Variants in NLRP1 observed in about 807,000 individuals in gnomAD.
NLRP1 encodes the protein NLR family pyrin domain containing 1.
A neutral mutation model predicts 136.7 loss-of-function variants in NLRP1; 94 were observed. The observed-to-expected ratio is 0.69, with a 90% confidence interval of 0.58 to 0.82. The LOEUF is 0.82. Among genes scored for constraint, NLRP1 ranks in the 40% least tolerant of loss-of-function variants. The pLI is 0.00. For missense variants in NLRP1, 1,575 were observed against 1,802.7 expected, an observed-to-expected ratio of 0.87 and a Z score of 2.29; for synonymous variants, 690 against 725.1, an observed-to-expected ratio of 0.95 and a Z score of 0.78.
rs145827448 is a variant in NLRP1 at position 5,583,814 on chromosome 17, C to T, written c.144G>A (p.Thr48=). The change falls in exon 1 of 17, where the codon ACG becomes ACA. Residue 48 remains threonine (T), a synonymous_variant. Coordinates refer to ENST00000572272, the MANE Select transcript of NLRP1 (RefSeq NM_033004.4). The surrounding 1 kb of genome is among the most constrained non-coding windows in gnomAD (Gnocchi z 4.5). The part of the protein sequence containing the change: ...SGETPAQPEK[T]SGMEVASYLV... Reference sequence around the variant, plus strand: ...GGTACGAGGCCACCTCCATGCCACTCGTCTTCTCTGGCTGAGCGGGTGTCT... The same window carrying T: ...GGTACGAGGCCACCTCCATGCCACTTGTCTTCTCTGGCTGAGCGGGTGTCT... 407 of 1,561,154 alleles carry T rather than the reference C, an allele frequency of 2.6e-4. No homozygotes were observed. The African/African-American group carries it at 4.6e-3, about 17-fold the overall frequency.
At position 5,583,857 on chromosome 17, in the gene NLRP1, G is replaced by C; in HGVS notation, c.101C>G (p.Ser34Cys). The change falls in exon 1 of 17, where the codon TCC becomes TGC. Residue 34 changes from serine to cysteine, a missense_variant. Physicochemically the swap from Ser to Cys is moderately radical, Grantham distance 112. Coordinates refer to ENST00000572272, the MANE Select transcript of NLRP1 (RefSeq NM_033004.4). The surrounding 1 kb of genome is among the most constrained non-coding windows in gnomAD (Gnocchi z 4.5). ...GGGTGTCTCACCCGAAGAGCTCCTG[G>C]AGTGCGCTTTATTGGCGAGCAGAAG... ...FQLLLANKAHSRSSSGETPAQ... is the reference protein window; with the variant it reads ...FQLLLANKAHCRSSSGETPAQ... The C allele has an allele frequency of 6.3e-7, 1 of 1,578,404 alleles. No homozygotes were observed. The highest frequency in any genetic ancestry group is 1.2e-5 in the South Asian group (1 of 86,756).
At chr17:5,538,775 G>C (rs1417256026) in intron 7 of NLRP1, among the ~76,000 whole-genome samples, 2 of 152,178 alleles carry the variant, frequency 1.3e-5, no homozygotes, top group Non-Finnish European at 2.9e-5. Flanking sequence ...CCTGGAGTGA[G>C]GGGAACCTGA....
In NLRP1 at chr17:5,583,253, G is replaced by A. The variant is rs1162543256; in HGVS notation, c.272-407C>T. On this transcript the variant is annotated intron_variant, in intron 1 of 16. Coordinates refer to ENST00000572272, the MANE Select transcript of NLRP1 (RefSeq NM_033004.4). This position sits in a 1 kb window ranked among gnomAD's most constrained non-coding sequence, Gnocchi z 4.5. ...GAGCACTTACTGTATATCAGACTCT[G>A]TGCTAAATGTTTAACCTGGATGATC... 6.6e-6 allele frequency among the ~76,000 whole-genome samples: 1 copy of A among 152,152 alleles called. No homozygotes were observed. Among genetic ancestry groups the A allele is most frequent in the Admixed American group, 6.5e-5 (1 of 15,280 alleles).
chr17:5,540,535 A>G (rs960351377), intron 6 of NLRP1, among the ~76,000 whole-genome samples: 1 of 152,140 alleles, frequency 6.6e-6, no homozygotes, highest in Admixed American at 6.5e-5. Flanking sequence ...AAGAGAGGGA[A>G]CAGGGAGAAT....
At position 5,558,637 on chromosome 17, in the gene NLRP1, C is replaced by T. The variant is rs1393307277; in HGVS notation, c.2059G>A (p.Glu687Lys). 6.2e-7 allele frequency: 1 copy of T among 1,613,696 alleles called. No individual in the cohort carries two copies. Among genetic ancestry groups the T allele is most frequent in the Admixed American group, 1.7e-5 (1 of 60,020 alleles). The change falls in exon 4 of 17, where the codon GAG (glutamate) becomes AAG (lysine). Residue 687 changes from glutamate (E) to lysine (K), a missense_variant. Coordinates refer to ENST00000572272, the MANE Select transcript of NLRP1 (RefSeq NM_033004.4). ...LLSDEGEREM[E>K]NIFHCRLSQG... ...GACAGCCGGCAGTGAAAGATGTTCT[C>T]CATCTCTCTCTCCCCCTCATCACTT...
intron 15 of NLRP1, among the ~76,000 whole-genome samples, chr17:5,507,532 T>C (rs1477791818): frequency 6.6e-6 from 1 of 152,106 alleles, no homozygotes; most frequent in Admixed American, 6.5e-5. Context: ...CTGCCTCTAC[T>C]AAAACTACAA....
At position 5,504,069 on chromosome 17, in the gene NLRP1, C is replaced by G. The variant is rs1253967041; in HGVS notation, c.4070-2197G>C. 2 of 152,962 alleles carry G rather than the reference C, an allele frequency of 1.3e-5. No homozygotes were observed. Among genetic ancestry groups the G allele is most frequent in the African/African-American group, 4.8e-5 (2 of 41,402 alleles). 9.5% of individuals were successfully genotyped at this position (152,962 alleles called of 1,614,324 possible). ...GAGTCTGCCAGGCCAAAGCCTGGAT[C>G]TGGACAATGGCCAGTTGATCATGTT... On this transcript the variant is annotated intron_variant, in intron 15 of 15. Coordinates refer to the NLRP1 transcript ENST00000262467. This position sits in a 1 kb window ranked among gnomAD's most constrained non-coding sequence, Gnocchi z 4.4.
Position 5,583,945 on chromosome 17 carries a change from C to A in NLRP1, c.13G>T (p.Ala5Ser), listed in dbSNP as rs1357536300. Residue 5 changes from alanine to serine, a missense_variant, in exon 1 of 17, where the codon GCC becomes TCC. Physicochemically the swap from Ala to Ser is moderately conservative, Grantham distance 99. Coordinates refer to ENST00000572272, the MANE Select transcript of NLRP1 (RefSeq NM_033004.4). The surrounding 1 kb of genome is among the most constrained non-coding windows in gnomAD (Gnocchi z 4.5). MAGG[A>S]WGRLACYLEF... ...AAGTAACAGGCCAGGCGGCCCCAGG[C>A]TCCGCCAGCCATCTCTGTCCCGGAG... The A allele has an allele frequency of 6.2e-7, 1 of 1,609,098 alleles. No homozygotes were observed. The highest frequency in any genetic ancestry group is 1.3e-5 in the African/African-American group (1 of 74,984).
intron 3 of NLRP1, among the ~76,000 whole-genome samples, chr17:5,579,885 GAAC>G (rs1322881733): frequency 6.6e-6 from 1 of 152,100 alleles, no homozygotes; most frequent in Non-Finnish European, 1.5e-5. Context: ...CACATAAAAG[GAAC>G]AATAGACACT....
chr17:5,580,099 G>A (rs532119945), intron 3 of NLRP1, among the ~76,000 whole-genome samples: 4 of 152,186 alleles, frequency 2.6e-5, no homozygotes, highest in South Asian at 4.1e-4. Flanking sequence ...GCAGGGCTTC[G>A]TGGCGGGCAC....
intron 3 of NLRP1, among the ~76,000 whole-genome samples, chr17:5,581,414 A>G (rs1597490380): frequency 6.6e-6 from 1 of 152,320 alleles, no homozygotes; most frequent in Middle Eastern, 3.4e-3. Context: ...GAGTGGTTGT[A>G]AAATTTAAGT....
rs1369797155 is a variant in NLRP1, at chr17:5,583,765, G to A, written c.193C>T (p.Arg65Trp). ...SYLVAQYGEQ[R>W]AWDLALHTWE... ...GTATGGAGGGCTAGGTCCCAGGCCC[G>A]CTGCTCCCCATACTGAGCCACCAGG... The change falls in exon 1 of 17, where the codon CGG (arginine) becomes TGG (tryptophan). Residue 65 changes from arginine (R) to tryptophan (W), a missense_variant. By Grantham distance (101) the Arg-to-Trp change is moderately radical. Transcript: ENST00000572272. The surrounding 1 kb of genome is among the most constrained non-coding windows in gnomAD (Gnocchi z 4.5). The A allele has an allele frequency of 1.9e-5, 29 of 1,553,276 alleles. No individual in the cohort carries two copies. Among genetic ancestry groups the A allele is most frequent in the South Asian group, 8.3e-5 (7 of 84,214 alleles).
chr17:5,535,064 A>G (rs1181930605), intron 8 of NLRP1, among the ~76,000 whole-genome samples: 1 of 152,190 alleles, frequency 6.6e-6, no homozygotes, highest in Non-Finnish European at 1.5e-5. Context: ...TACTAAAAAT[A>G]CAAAAATTAG....
chr17:5,533,760 CGTG>C, intron 9 of NLRP1, 134 bp downstream of exon 9: 1 of 681,938 alleles, frequency 1.5e-6, no homozygotes, highest in East Asian at 2.5e-5. Flanking sequence ...GGAGCTCTCT[CGTG>C]GGGGTAGCAC....
intron 3 of NLRP1, among the ~76,000 whole-genome samples, chr17:5,566,773 G>C (rs1405037772): frequency 6.6e-6 from 1 of 152,018 alleles, no homozygotes; most frequent in Non-Finnish European, 1.5e-5. Flanking sequence ...AAAGTCTCCA[G>C]CTATTATTGT....
chr17:5,533,263 T>C (rs1389174582), intron 10 of NLRP1, 41 bp downstream of exon 10: 6 of 1,551,674 alleles, frequency 3.9e-6, no homozygotes, highest in South Asian at 2.4e-5. Context: ...AGAGAGAACA[T>C]GGTTCAAAAG....
downstream of NLRP1, among the ~76,000 whole-genome samples, chr17:5,510,312 G>A (rs917295820): frequency 6.6e-6 from 1 of 151,930 alleles, no homozygotes; most frequent in African/African-American, 2.4e-5. Context: ...TCAGCCTCCA[G>A]AGTATCTGGG....
chr17:5,536,976 C>A, intron 7 of NLRP1, 36 bp from the exon 8 acceptor site: 1 of 1,490,868 alleles, frequency 6.7e-7, no homozygotes, highest in Non-Finnish European at 9.4e-7. Flanking sequence ...CTCCTGGGAT[C>A]CCCCATGTGG....
At chr17:5,540,747 G>A (rs547934631) in intron 6 of NLRP1, among the ~76,000 whole-genome samples, 3 of 152,158 alleles carry the variant, frequency 2.0e-5, no homozygotes, top group East Asian at 1.9e-4. Context: ...GAGGATCCTC[G>A]TTGTCTCCCC....
Sources: gnomAD v4.1 joint callset for allele counts (sites outside exome capture counted in the v4.1 genomes callset) on GRCh38, gnomAD v4.1.1 for gene constraint, Gnocchi (gnomAD v3.1) non-coding constraint, MANE v1.5 for transcripts, NCBI Gene and HGNC (gene_info 2026-07-23, HGNC 2026-07-21) for gene names.